Variants in ASTN2 observed in about 807,000 individuals in gnomAD.
ASTN2 encodes astrotactin-2.
A neutral mutation model predicts 139.8 loss-of-function variants in ASTN2; 54 were observed. The ratio of observed to expected loss-of-function variants is 0.39; its 90% CI spans 0.31 to 0.48. ASTN2 has a LOEUF of 0.48. ASTN2 is among the 20% of genes least tolerant of loss of function. The pLI is 0.95. For synonymous variants in ASTN2, 756 were observed against 719.5 expected (o/e 1.05, Z -0.81); for missense variants, 1,565 against 1,725.1 (o/e 0.91, Z 1.64).
At chr9:117,306,943 G>A (rs1445244694) in intron 1 of ASTN2, among the ~76,000 whole-genome samples, 1 of 152,208 alleles carries the variant, frequency 6.6e-6, no homozygotes, top group Non-Finnish European at 1.5e-5. Flanking sequence ...ATGGGCAGGT[G>A]TGCCTATCAC....
intron 13 of ASTN2, among the ~76,000 whole-genome samples, chr9:116,744,525 C>T (rs377542391): frequency 4.3e-4 from 65 of 152,050 alleles, no homozygotes; most frequent in Middle Eastern, 3.4e-3. Flanking sequence ...AAGACATAAC[C>T]GATTAGATGG....
intron 1 of ASTN2, among the ~76,000 whole-genome samples, chr9:117,383,882 A>G (rs1830330990): frequency 6.6e-6 from 1 of 152,212 alleles, no homozygotes; most frequent in African/African-American, 2.4e-5. Flanking sequence ...CCAGCTGCTC[A>G]GATGTTCCTA....
Position 117,106,191 on chromosome 9 carries a change from T to C in ASTN2, c.1169-10040A>G, listed in dbSNP as rs574346508. 2.6e-5 allele frequency among the ~76,000 whole-genome samples: 4 copies of C among 152,314 alleles called. No individual in the cohort carries two copies. In the East Asian group the frequency reaches 7.7e-4, roughly 29 times the overall value. ...CATCTGAGGTTGCTTATGTGCCCAC[T>C]CACAATCTTTTCATCCAAGCTACAT... is the stretch of plus-strand genomic sequence containing the variant. On this transcript the variant is annotated intron_variant, in intron 4 of 22. Coordinates refer to ENST00000313400, the MANE Select transcript of ASTN2 (RefSeq NM_001365068.1).
At chr9:116,960,246 T>C (rs1835838815) in intron 10 of ASTN2, among the ~76,000 whole-genome samples, 1 of 151,998 alleles carries the variant, frequency 6.6e-6, no homozygotes, top group African/African-American at 2.4e-5. Flanking sequence ...AGCCAAAGGG[T>C]TTCAAAAACC....
At chr9:117,213,458 A>G (rs1230977005) in intron 3 of ASTN2, among the ~76,000 whole-genome samples, 4 of 152,206 alleles carry the variant, frequency 2.6e-5, no homozygotes, top group South Asian at 2.1e-4. Context: ...AACATTCCCA[A>G]TGCAAAGAAA....
chr9:116,477,805 G>C (rs921487513), intron 20 of ASTN2, among the ~76,000 whole-genome samples: 1 of 148,156 alleles, frequency 6.7e-6, no homozygotes, highest in Non-Finnish European at 1.5e-5. Context: ...TGGATGGCTT[G>C]AGCTCAGAAG....
intron 13 of ASTN2, among the ~76,000 whole-genome samples, chr9:116,740,282 C>A (rs1293931998): frequency 6.6e-6 from 1 of 152,194 alleles, no homozygotes; most frequent in Non-Finnish European, 1.5e-5. Flanking sequence ...TCTTTTCTAT[C>A]ACTTTAATTT....
intron 1 of ASTN2, among the ~76,000 whole-genome samples, chr9:117,365,125 G>A (rs116159816): frequency 0.011 from 1,723 of 150,924 alleles, 35 homozygotes; most frequent in African/African-American, 0.04. Context: ...CTCCAGCCTG[G>A]GCACTGGAGC....
At chr9:116,460,257 A>G (rs1848446415) in intron 20 of ASTN2, among the ~76,000 whole-genome samples, 1 of 152,244 alleles carries the variant, frequency 6.6e-6, no homozygotes, top group Admixed American at 6.6e-5. Context: ...GGAAGGGGCA[A>G]TGGAAATGAC....
At chr9:116,533,091 G>C (rs1851434687) in intron 19 of ASTN2, among the ~76,000 whole-genome samples, 2 of 152,108 alleles carry the variant, frequency 1.3e-5, no homozygotes, top group Non-Finnish European at 2.9e-5. Flanking sequence ...TTGTAAGTTG[G>C]ATTCCTAGGT....
chr9:116,670,580 T>G lies in ASTN2; in HGVS notation c.2807-18787A>C, dbSNP rs543195563. Among the ~76,000 whole-genome samples the G allele has an allele frequency of 2.6e-5, 4 of 152,310 alleles. No individual in the cohort carries two copies. The East Asian group carries it at 7.7e-4, about 29-fold the overall frequency. On this transcript the variant is annotated intron_variant, in intron 16 of 22. Coordinates refer to ENST00000313400, the MANE Select transcript of ASTN2 (RefSeq NM_001365068.1). ...AGGTGAGGGGTTGGGTAAAGGAGAC[T>G]GTCTCTTTGTCTGTGGCCAGGCAGT...
intron 10 of ASTN2, among the ~76,000 whole-genome samples, chr9:116,886,605 G>A (rs1205391608): frequency 1.3e-5 from 2 of 152,174 alleles, no homozygotes; most frequent in African/African-American, 2.4e-5. Flanking sequence ...GGCTTCAAGT[G>A]ATCCTCCCAC....
At chr9:117,011,683 G>T (rs1472209692) in intron 6 of ASTN2, among the ~76,000 whole-genome samples, 1 of 152,192 alleles carries the variant, frequency 6.6e-6, no homozygotes, top group Non-Finnish European at 1.5e-5. Context: ...TGGCATGAAT[G>T]TGATATGTAT....
chr9:116,458,821 A>G (rs1251016892), intron 20 of ASTN2, among the ~76,000 whole-genome samples: 3 of 152,040 alleles, frequency 2.0e-5, no homozygotes, highest in African/African-American at 7.2e-5. Flanking sequence ...ACACTGTTAA[A>G]CTGGAAATAT....
At chr9:117,120,117 T>C (rs1430160285) in intron 4 of ASTN2, among the ~76,000 whole-genome samples, 3 of 148,044 alleles carry the variant, frequency 2.0e-5, no homozygotes, top group Non-Finnish European at 4.5e-5. Context: ...ATATTTTGGC[T>C]CCTATTGGGT....
intron 10 of ASTN2, among the ~76,000 whole-genome samples, chr9:116,868,093 A>T (rs1833065186): frequency 6.6e-6 from 1 of 152,170 alleles, no homozygotes; most frequent in African/African-American, 2.4e-5. Context: ...CTGGGGTATC[A>T]GGATACCAGT....
chr9:117,150,854 G>C (rs936882041), intron 3 of ASTN2, among the ~76,000 whole-genome samples: 2 of 151,940 alleles, frequency 1.3e-5, no homozygotes, highest in African/African-American at 4.8e-5. Flanking sequence ...ATATCACCAC[G>C]CCTGGATAAT....
chr9:117,369,997 G>A (rs1051281449), intron 1 of ASTN2, among the ~76,000 whole-genome samples: 6 of 152,026 alleles, frequency 3.9e-5, no homozygotes, highest in Non-Finnish European at 5.9e-5. Context: ...GTTAACAAGC[G>A]ATGAGCGGGA....
intron 10 of ASTN2, among the ~76,000 whole-genome samples, chr9:116,923,472 C>T (rs1055601337): frequency 2.0e-5 from 3 of 152,208 alleles, no homozygotes; most frequent in African/African-American, 7.2e-5. Context: ...AAAAACCAGA[C>T]TTCTGCCTTA....
Sources: allele counts gnomAD v4.1 joint callset (sites outside exome capture counted in the v4.1 genomes callset), GRCh38; gene constraint gnomAD v4.1.1; transcripts MANE v1.5; gene names NCBI Gene and HGNC (gene_info 2026-07-23, HGNC 2026-07-21).